The following LRRIQ4 variants were observed in gnomAD, a reference collection of about 807,000 sequenced individuals.
The protein encoded by LRRIQ4 is leucine rich repeats and IQ motif containing 4.
LRRIQ4 carries 21 observed loss-of-function variants against 40.1 expected under a neutral mutation model. That is an observed-to-expected ratio of 0.52 (90% CI 0.37 to 0.75). The LOEUF (loss-of-function observed/expected upper bound fraction) is 0.75, where lower values mean the gene tolerates loss of function less well. LRRIQ4 is among the 30% of genes least tolerant of loss of function. The pLI is 0.00. For missense variants in LRRIQ4, 655 were observed against 660.0 expected, an observed-to-expected ratio of 0.99 and a Z score of 0.08; for synonymous variants, 277 against 277.1, an observed-to-expected ratio of 1.00 and a Z score of 0.00.
chr3:169,816,284 G>A (rs560142479), intron 1 of LRRIQ4, among the ~76,000 whole-genome samples: 29 of 152,158 alleles, frequency 1.9e-4, no homozygotes, highest in African/African-American at 7.0e-4. Flanking sequence ...GAAGCCATTG[G>A]GTCCCAGGTT....
At position 169,828,780 on chromosome 3, in the gene LRRIQ4, C is replaced by G. The variant is rs1780097519; in HGVS notation, c.1042C>G (p.Leu348Val). Residue 348 changes from leucine (L) to valine (V), a missense_variant, in exon 3 of 6, where the codon CTT becomes GTT. By Grantham distance (32) the Leu-to-Val change is conservative. Coordinates refer to ENST00000340806, the MANE Select transcript of LRRIQ4 (RefSeq NM_001080460.3). ...IGQLPSELGSLSKLKILGLTG... is the reference protein window; with the variant it reads ...IGQLPSELGSVSKLKILGLTG... The stretch of plus-strand genomic sequence containing the variant: ...CTAGTTACCTTCAGAATTGGGCTCA[C>G]TTTCAAAACTGAAGATACTTGGACT... 1 of 1,612,802 alleles carries G rather than the reference C, an allele frequency of 6.2e-7. No individual in the cohort carries two copies. The highest frequency in any genetic ancestry group is 2.2e-5 in the East Asian group (1 of 44,872).
intron 2 of LRRIQ4, among the ~76,000 whole-genome samples, chr3:169,823,340 C>CTT (rs570781467): frequency 3.0e-4 from 42 of 141,628 alleles, no homozygotes; most frequent in Middle Eastern, 3.6e-3. Flanking sequence ...GGTCTACATT[C>CTT]TTTTTTTTTT....
At chr3:169,831,117 C>T (rs1382096705) in intron 4 of LRRIQ4, among the ~76,000 whole-genome samples, 2 of 151,998 alleles carry the variant, frequency 1.3e-5, no homozygotes, top group African/African-American at 2.4e-5. Flanking sequence ...ACATTTTCCA[C>T]TACACTAAGC....
At position 169,828,648 on chromosome 3, in the gene LRRIQ4, G is replaced by A. The variant is rs1780094896; in HGVS notation, c.1021-111G>A. On this transcript the variant is annotated intron_variant, in intron 2 of 5. Transcript: ENST00000340806. ...GCACAAATTTTTCACTAGTAGGAGA[G>A]GCTAAGTTACTCCACTTGTTTAGCA... is the stretch of plus-strand genomic sequence containing the variant. 1.0e-5 allele frequency: 9 copies of A among 890,306 alleles called. No individual in the cohort carries two copies. The East Asian group carries it at 2.2e-4, about 22-fold the overall frequency. 55.2% of individuals were successfully genotyped at this position (890,306 alleles called of 1,614,324 possible).
Position 169,822,405 on chromosome 3 carries a change from G to C in LRRIQ4, c.484G>C (p.Val162Leu), listed in dbSNP as rs757773183. Residue 162 changes from valine (V) to leucine (L), a missense_variant, in exon 2 of 6, where the codon GTG becomes CTG. By Grantham distance (32) the Val-to-Leu change is conservative. Transcript: ENST00000340806. ...NHLKCLPKEI[V>L]NQTKLREIYL... ...CCTGAAATGTCTGCCCAAGGAAATAGTGAACCAGACCAAGCTGAGGGAGAT... is the reference window on the plus strand; with the variant it reads ...CCTGAAATGTCTGCCCAAGGAAATACTGAACCAGACCAAGCTGAGGGAGAT... The C allele has an allele frequency of 2.5e-6, 4 of 1,612,920 alleles. No individual in the cohort carries two copies. In the Admixed American group the frequency reaches 6.7e-5, roughly 27 times the overall value.
intron 5 of LRRIQ4, among the ~76,000 whole-genome samples, chr3:169,836,697 G>A (rs1780311088): frequency 6.6e-6 from 1 of 152,216 alleles, no homozygotes; most frequent in Admixed American, 6.5e-5. Flanking sequence ...CCGTAGCAAT[G>A]ACAATCAAGC....
chr3:169,822,217 T>C lies in LRRIQ4; in HGVS notation c.296T>C (p.Leu99Pro), dbSNP rs1204571916. ...ALGLLSSLESLDLSYNPIFSS... is the reference protein window; with the variant it reads ...ALGLLSSLESPDLSYNPIFSS... ...GGGCTGCTGAGCAGCCTGGAGAGCC[T>C]GGACCTGAGCTACAACCCCATCTTC... The change falls in exon 2 of 6, where the codon CTG (leucine) becomes CCG (proline). Residue 99 changes from leucine (L) to proline (P), a missense_variant. Leu to Pro is a moderately conservative substitution (Grantham distance 98). Transcript: ENST00000340806. The C allele has an allele frequency of 4.4e-6, 7 of 1,603,000 alleles. No homozygotes were observed. Among genetic ancestry groups the C allele is most frequent in the East Asian group, 2.2e-5 (1 of 44,860 alleles).
At chr3:169,837,040 G>A (rs1477325675) in intron 5 of LRRIQ4, among the ~76,000 whole-genome samples, 1 of 152,190 alleles carries the variant, frequency 6.6e-6, no homozygotes, top group Non-Finnish European at 1.5e-5. Flanking sequence ...GGGAACAAGT[G>A]AGGGCTGGCT....
chr3:169,813,850 G>T (rs981534135), intron 1 of LRRIQ4, among the ~76,000 whole-genome samples: 1 of 152,144 alleles, frequency 6.6e-6, no homozygotes, highest in African/African-American at 2.4e-5. Flanking sequence ...TAACAATGGG[G>T]GTGTGGCTTG....
chr3:169,827,082 C>T (rs1307075168), intron 2 of LRRIQ4, among the ~76,000 whole-genome samples: 1 of 152,098 alleles, frequency 6.6e-6, no homozygotes, highest in Non-Finnish European at 1.5e-5. Context: ...AGTGGCTCAG[C>T]TGAGCTCTAG....
intron 5 of LRRIQ4, among the ~76,000 whole-genome samples, chr3:169,835,596 C>T (rs960694361): frequency 1.3e-5 from 2 of 152,090 alleles, no homozygotes; most frequent in East Asian, 1.9e-4. Flanking sequence ...CATGCCTGCA[C>T]ACTGTTGGAA....
chr3:169,830,754 C>A, intron 4 of LRRIQ4, 124 bp downstream of exon 4: 1 of 1,219,232 alleles, frequency 8.2e-7, no homozygotes, highest in Non-Finnish European at 1.1e-6. Context: ...TATCCCATTA[C>A]TTCCTTGCAG....
intron 4 of LRRIQ4, 26 bp downstream of exon 4, chr3:169,830,656 C>A: frequency 1.9e-6 from 3 of 1,613,406 alleles, no homozygotes; most frequent in East Asian, 2.2e-5. Context: ...AGATTCACAG[C>A]CTAGCAGAGT....
intron 2 of LRRIQ4, among the ~76,000 whole-genome samples, chr3:169,827,199 T>A (rs1780057448): frequency 1.3e-5 from 2 of 152,206 alleles, no homozygotes; most frequent in Admixed American, 1.3e-4. Context: ...TTAAGCCAGA[T>A]AAAGGAACAT....
chr3:169,830,491 G>C lies in LRRIQ4; in HGVS notation c.1195-1G>C. On this transcript the variant is annotated splice_acceptor_variant, in intron 3 of 5. Coordinates refer to ENST00000340806, the MANE Select transcript of LRRIQ4 (RefSeq NM_001080460.3). LOFTEE classifies it high-confidence loss of function. ...ATTATGGTACACTCATGTTATTTCA[G>C]AGTCTCAAAGAGCTATATATAGAGA... The C allele has an allele frequency of 6.4e-7, 1 of 1,562,720 alleles. No homozygotes were observed. The highest frequency in any genetic ancestry group is 1.8e-5 in the Admixed American group (1 of 55,258).
Position 169,812,995 on chromosome 3 carries a change from CGA to C in LRRIQ4, c.-82_-81del. The C allele has an allele frequency of 6.2e-6, 1 of 160,712 alleles. No homozygotes were observed. Among genetic ancestry groups the C allele is most frequent in the Non-Finnish European group, 1.4e-5 (1 of 73,860 alleles). 10.0% of individuals were successfully genotyped at this position (160,712 alleles called of 1,614,324 possible). On this transcript the variant is annotated 5_prime_UTR_variant, in exon 1 of 6. It removes the in-frame stop codon of an upstream open reading frame in the 5' UTR. Coordinates refer to ENST00000340806, the MANE Select transcript of LRRIQ4 (RefSeq NM_001080460.3). The surrounding 1 kb of genome is among the most constrained non-coding windows in gnomAD (Gnocchi z 4.3). ...TGAAGGAGGTGACATCTGGATGGTC[CGA>C]AGGAGGCTGCCAGAGGACAGAATGC...
At chr3:169,816,674 C>CTT (rs34890404) in intron 1 of LRRIQ4, among the ~76,000 whole-genome samples, 5 of 136,040 alleles carry the variant, frequency 3.7e-5, no homozygotes, top group Non-Finnish European at 3.1e-5. Flanking sequence ...TTTTCTTCTA[C>CTT]TTTTTTTTTT....
Position 169,822,691 on chromosome 3 carries a change from G to A in LRRIQ4, c.770G>A (p.Arg257Lys). The A allele has an allele frequency of 1.9e-6, 3 of 1,613,974 alleles. No homozygotes were observed. The highest frequency in any genetic ancestry group is 2.5e-6 in the Non-Finnish European group (3 of 1,179,902). The part of the protein sequence containing the change: ...HSIPKSFAEL[R>K]KMTEIGLSGN... ...ATCCCGAAGAGCTTCGCCGAGCTCA[G>A]GAAGATGACGGAAATCGGGCTGAGC... The change falls in exon 2 of 6, where the codon AGG (arginine) becomes AAG (lysine). Residue 257 changes from arginine (R) to lysine (K), a missense_variant. Transcript: ENST00000340806.
intron 3 of LRRIQ4, 35 bp downstream of exon 3, chr3:169,828,967 C>T (rs747837321): frequency 2.6e-6 from 4 of 1,555,300 alleles, no homozygotes; most frequent in African/African-American, 1.4e-5. Flanking sequence ...TAAGAAGCAC[C>T]TGTCACTGCC....
Sources: gnomAD v4.1 joint callset for allele counts (sites outside exome capture counted in the v4.1 genomes callset) on GRCh38, gnomAD v4.1.1 for gene constraint, Gnocchi (gnomAD v3.1) non-coding constraint, MANE v1.5 for transcripts, NCBI Gene and HGNC (gene_info 2026-07-23, HGNC 2026-07-21) for gene names.